Variants in SLC8A1 observed in about 807,000 individuals in gnomAD.
The protein encoded by SLC8A1 is solute carrier family 8 member A1, also known as sodium/calcium exchanger 1.
Under a neutral mutation model 68.3 loss-of-function variants are expected in SLC8A1, and 18 were observed. That is an observed-to-expected ratio of 0.26 (90% CI 0.18 to 0.39). SLC8A1 has a LOEUF of 0.39. SLC8A1 is among the 10% of genes least tolerant of loss of function. SLC8A1 has a pLI of 1.00. For missense variants in SLC8A1, 985 were observed against 1,156.7 expected (o/e 0.85, Z 2.15); for synonymous variants, 475 against 415.5 (o/e 1.14, Z -1.74).
chr2:40,219,150 A>G (rs752871584), intron 2 of SLC8A1, among the ~76,000 whole-genome samples: 3 of 152,184 alleles, frequency 2.0e-5, no homozygotes, highest in Non-Finnish European at 2.9e-5. Flanking sequence ...GCCCCTTTCA[A>G]TTGGGATGCT....
At chr2:40,383,619 T>C (rs1295801636) in intron 2 of SLC8A1, among the ~76,000 whole-genome samples, 1 of 152,096 alleles carries the variant, frequency 6.6e-6, no homozygotes, top group Non-Finnish European at 1.5e-5. Context: ...AAATCTTAGA[T>C]AAAAAAATTT....
chr2:40,324,779 A>C (rs1166761801), intron 2 of SLC8A1, among the ~76,000 whole-genome samples: 1 of 152,124 alleles, frequency 6.6e-6, no homozygotes, highest in Non-Finnish European at 1.5e-5. Flanking sequence ...TTCCCCACAA[A>C]GGTTGCATCT....
intron 7 of SLC8A1, among the ~76,000 whole-genome samples, chr2:40,130,631 C>G (rs1427762253): frequency 1.3e-5 from 2 of 152,228 alleles, no homozygotes; most frequent in Non-Finnish European, 2.9e-5. Flanking sequence ...TATGTGAAAA[C>G]AAAATATACT....
intron 2 of SLC8A1, among the ~76,000 whole-genome samples, chr2:40,379,564 T>C (rs1681036840): frequency 6.6e-6 from 1 of 151,976 alleles, no homozygotes; most frequent in South Asian, 2.1e-4. Context: ...CCCTTGCCTG[T>C]CCTTAGCTTG....
At chr2:40,443,238 C>G (rs750372024) in intron 1 of SLC8A1, among the ~76,000 whole-genome samples, 2 of 152,132 alleles carry the variant, frequency 1.3e-5, no homozygotes, top group Non-Finnish European at 2.9e-5. Context: ...AACCTGAACA[C>G]TCTGCACATA....
chr2:40,314,846 T>C (rs2074228295), intron 2 of SLC8A1, among the ~76,000 whole-genome samples: 1 of 152,068 alleles, frequency 6.6e-6, no homozygotes, highest in South Asian at 2.1e-4. Context: ...ATATTAATCT[T>C]GTACCCTGCA....
At chr2:40,424,712 A>T (rs1275031151) in intron 2 of SLC8A1, among the ~76,000 whole-genome samples, 1 of 151,854 alleles carries the variant, frequency 6.6e-6, no homozygotes, top group East Asian at 1.9e-4. Context: ...TATTAAGTAA[A>T]TAATCTAACT....
intron 2 of SLC8A1, among the ~76,000 whole-genome samples, chr2:40,301,531 G>A (rs1028011993): frequency 5.9e-5 from 9 of 151,652 alleles, no homozygotes; most frequent in South Asian, 4.2e-4. Flanking sequence ...TCATAAATGG[G>A]AGCTAAGCTA....
At chr2:40,425,011 A>G (rs1186151584) in intron 2 of SLC8A1, among the ~76,000 whole-genome samples, 1 of 151,798 alleles carries the variant, frequency 6.6e-6, no homozygotes, top group South Asian at 2.1e-4. Flanking sequence ...ACCAAACCAC[A>G]AATCAAATTA....
intron 1 of SLC8A1, among the ~76,000 whole-genome samples, chr2:40,491,700 A>C (rs1387584025): frequency 1.3e-5 from 2 of 152,066 alleles, no homozygotes; most frequent in Admixed American, 1.3e-4. Context: ...GAGTTGTTGA[A>C]TTTTGTCAAA....
chr2:40,149,716 C>T (rs868773758), intron 6 of SLC8A1, among the ~76,000 whole-genome samples: 76 of 152,286 alleles, frequency 5.0e-4, no homozygotes, highest in African/African-American at 1.7e-3. Flanking sequence ...TGAGTAGCTA[C>T]TGCACGAGGC....
chr2:40,261,120 A>G (rs944761618), intron 2 of SLC8A1, among the ~76,000 whole-genome samples: 1 of 152,158 alleles, frequency 6.6e-6, no homozygotes, highest in Non-Finnish European at 1.5e-5. Context: ...CCTGACTATG[A>G]GAATCTTCTG....
intron 2 of SLC8A1, among the ~76,000 whole-genome samples, chr2:40,270,925 C>G (rs1483238937): frequency 6.6e-6 from 1 of 152,098 alleles, no homozygotes; most frequent in African/African-American, 2.4e-5. Flanking sequence ...GGCTGGTTTT[C>G]CTAACGCCCT....
intron 7 of SLC8A1, among the ~76,000 whole-genome samples, chr2:40,130,147 A>G (rs994388876): frequency 1.3e-5 from 2 of 152,242 alleles, no homozygotes; most frequent in African/African-American, 4.8e-5. Context: ...TCCTTTGAGG[A>G]GAAAGAATAA....
exon 8 of SLC8A1, chr2:40,097,948 A>G (rs1572668374): frequency 6.6e-6 from 1 of 151,796 alleles, no homozygotes; most frequent in Admixed American, 6.6e-5. Context: ...GGTGCTATAC[A>G]AACATCACAA....
intron 2 of SLC8A1, among the ~76,000 whole-genome samples, chr2:40,318,272 C>G (rs1367343744): frequency 6.6e-6 from 1 of 151,938 alleles, no homozygotes; most frequent in Non-Finnish European, 1.5e-5. Context: ...AGCCTCATCT[C>G]AAAACTACCT....
At chr2:40,280,046 T>C (rs1389477076) in intron 2 of SLC8A1, among the ~76,000 whole-genome samples, 1 of 152,140 alleles carries the variant, frequency 6.6e-6, no homozygotes, top group Admixed American at 6.5e-5. Context: ...TGGAGTACAC[T>C]GAATACCATA....
At chr2:40,409,350 G>T (rs1576235758) in intron 2 of SLC8A1, among the ~76,000 whole-genome samples, 1 of 152,050 alleles carries the variant, frequency 6.6e-6, no homozygotes. Context: ...GAAAAATCAG[G>T]ATTTCTGCCC....
intron 2 of SLC8A1, among the ~76,000 whole-genome samples, chr2:40,307,054 T>C: frequency 6.6e-6 from 1 of 152,022 alleles, no homozygotes; most frequent in East Asian, 1.9e-4. Flanking sequence ...TCATCCATGT[T>C]CATAGCAGCA....
Sources: allele counts gnomAD v4.1 joint callset (sites outside exome capture counted in the v4.1 genomes callset), GRCh38; gene constraint gnomAD v4.1.1; transcripts MANE v1.5; gene names NCBI Gene and HGNC (gene_info 2026-07-23, HGNC 2026-07-21).